The following ANO6 variants were observed in gnomAD, a reference collection of about 807,000 sequenced individuals.
ANO6 encodes the protein anoctamin 6.
A neutral mutation model predicts 117.5 loss-of-function variants in ANO6; 106 were observed. The ratio of observed to expected loss-of-function variants is 0.90; its 90% CI spans 0.77 to 1.06. ANO6 has a LOEUF of 1.06. ANO6 is among the 50% of genes least tolerant of loss of function. The pLI is 0.00. For missense variants in ANO6, 955 were observed against 1,121.1 expected (o/e 0.85, Z 2.12); for synonymous variants, 367 against 385.1 (o/e 0.95, Z 0.55).
At chr12:45,280,287 G>C (rs1938682667) in intron 1 of ANO6, among the ~76,000 whole-genome samples, 1 of 152,132 alleles carries the variant, frequency 6.6e-6, no homozygotes, top group Non-Finnish European at 1.5e-5. Context: ...GCATGTCACC[G>C]TGACTTTGAG....
At chr12:45,278,123 T>A (rs1592908575) in intron 1 of ANO6, among the ~76,000 whole-genome samples, 1 of 151,994 alleles carries the variant, frequency 6.6e-6, no homozygotes, top group African/African-American at 2.4e-5. Context: ...ACCTGGCTAA[T>A]TTTTAAATTT....
intron 2 of ANO6, among the ~76,000 whole-genome samples, chr12:45,317,136 T>TATATATATA (rs1940070455): frequency 7.3e-5 from 8 of 108,944 alleles, no homozygotes; most frequent in East Asian, 4.8e-4. Context: ...TATATATTTA[T>TATATATATA]TATACTTTAA....
At chr12:45,227,406 C>T (rs1947501337) in intron 1 of ANO6, among the ~76,000 whole-genome samples, 1 of 152,128 alleles carries the variant, frequency 6.6e-6, no homozygotes, top group African/African-American at 2.4e-5. Flanking sequence ...GGTCAGATGA[C>T]CTCAGTTTAT....
At chr12:45,216,481 CG>C (rs1565625316) in intron 1 of ANO6, 90 bp downstream of exon 1, 2 of 1,455,844 alleles carry the variant, frequency 1.4e-6, no homozygotes, top group East Asian at 4.9e-5. Flanking sequence ...GTGCTCTCCG[CG>C]GGGGAGGTTG....
At chr12:45,292,159 T>G (rs895946468) in intron 1 of ANO6, among the ~76,000 whole-genome samples, 1 of 152,226 alleles carries the variant, frequency 6.6e-6, no homozygotes, top group African/African-American at 2.4e-5. Context: ...TGATATATGC[T>G]ACAACTTGGA....
chr12:45,332,969 T>C (rs79664317), intron 3 of ANO6, among the ~76,000 whole-genome samples: 1 of 152,012 alleles, frequency 6.6e-6, no homozygotes, highest in Non-Finnish European at 1.5e-5. Flanking sequence ...ATTTTTTTTT[T>C]CTTTTTTATG....
chr12:45,333,369 C>G (rs1248300877), intron 3 of ANO6, among the ~76,000 whole-genome samples: 1 of 151,982 alleles, frequency 6.6e-6, no homozygotes, highest in Non-Finnish European at 1.5e-5. Context: ...TAGTCACCAT[C>G]ATCAAATATT....
rs534798704 is a variant in ANO6 at position 45,221,142 on chromosome 12, A to G, written c.70+4751A>G. ...GGTGGATAGTATCCGAATTGAGTTG[A>G]TTTAGAGGACGCCCAGCTGGCGTTC... On this transcript the variant is annotated intron_variant, in intron 1 of 19. Coordinates refer to ENST00000320560, the MANE Select transcript of ANO6 (RefSeq NM_001025356.3). 2.0e-5 allele frequency among the ~76,000 whole-genome samples: 3 copies of G among 152,138 alleles called. No homozygotes were observed. The South Asian group carries it at 6.2e-4, about 32-fold the overall frequency.
At chr12:45,327,179 G>A (rs1940497302) in intron 2 of ANO6, among the ~76,000 whole-genome samples, 3 of 151,794 alleles carry the variant, frequency 2.0e-5, no homozygotes, top group Admixed American at 1.3e-4. Context: ...CAAAAAAAAA[G>A]AGTATTTCAT....
Position 45,366,304 on chromosome 12 carries a change from G to C in ANO6, c.999-1384G>C, listed in dbSNP as rs74080841. Among the ~76,000 whole-genome samples the C allele has an allele frequency of 6.6e-3, 998 of 151,698 alleles. 14 individuals are homozygous for C. The highest frequency in any genetic ancestry group is 0.023 in the African/African-American group (962 of 41,360). On this transcript the variant is annotated intron_variant, in intron 8 of 19. Coordinates refer to ENST00000320560, the MANE Select transcript of ANO6 (RefSeq NM_001025356.3). ...ATCAATATTTTTCTTTGTGGTTTAT[G>C]CTGTTTCGTTTCTTGTTTATGCAAT...
chr12:45,431,133 T>C lies in ANO6; in HGVS notation c.*1822T>C, dbSNP rs1943622460. The C allele has an allele frequency of 4.8e-5, 47 of 985,186 alleles. No homozygotes were observed. The highest frequency in any genetic ancestry group is 5.5e-5 in the Non-Finnish European group (46 of 829,842). The allele number at this position is 985,186 out of a possible 1,614,324, so 61.0% of individuals were successfully genotyped here. On this transcript the variant is annotated 3_prime_UTR_variant, in exon 20 of 20. Coordinates refer to ENST00000320560, the MANE Select transcript of ANO6 (RefSeq NM_001025356.3). ...GGATCCGGGACCCCATTTCACTGTC[T>C]CTCTTGATCGTGTTAATGATGCAAT...
chr12:45,295,924 C>T (rs1251159796), intron 1 of ANO6, among the ~76,000 whole-genome samples: 1 of 151,986 alleles, frequency 6.6e-6, no homozygotes, highest in Admixed American at 6.6e-5. Flanking sequence ...TGCAGTGGTG[C>T]GGTCTCAGCT....
Position 45,247,439 on chromosome 12 carries a change from A to G in ANO6, c.70+31048A>G, listed in dbSNP as rs186698544. 8.0e-4 allele frequency among the ~76,000 whole-genome samples: 122 copies of G among 152,354 alleles called. 1 individual carries two copies. The highest frequency in any genetic ancestry group is 2.9e-3 in the African/African-American group (119 of 41,594). ...TTTTTGGTTGCTAAGATTAAGGATC[A>G]GAAAAGTAATTTGCCTAATGTTATG... is the stretch of plus-strand genomic sequence containing the variant. On this transcript the variant is annotated intron_variant, in intron 1 of 19. Transcript: ENST00000320560.
chr12:45,339,938 T>C (rs1940933446), intron 3 of ANO6, among the ~76,000 whole-genome samples: 1 of 152,166 alleles, frequency 6.6e-6, no homozygotes, highest in African/African-American at 2.4e-5. Context: ...GTTTCTACTT[T>C]ATCATCATAG....
intron 2 of ANO6, among the ~76,000 whole-genome samples, chr12:45,324,060 CCCGAG>C (rs888931844): frequency 1.3e-5 from 2 of 151,510 alleles, no homozygotes; most frequent in Non-Finnish European, 2.9e-5. Context: ...GCCTCAGCCT[CCCGAG>C]TAGCTGGGAT....
intron 10 of ANO6, among the ~76,000 whole-genome samples, chr12:45,380,652 A>G (rs1942145681): frequency 1.3e-5 from 2 of 152,222 alleles, no homozygotes; most frequent in Non-Finnish European, 2.9e-5. Flanking sequence ...CCTAGCTGCA[A>G]GAGAGTTTCT....
At chr12:45,220,431 C>G (rs1359770163) in intron 1 of ANO6, among the ~76,000 whole-genome samples, 2 of 149,094 alleles carry the variant, frequency 1.3e-5, no homozygotes, top group African/African-American at 5.2e-5. Context: ...ACACCCACCT[C>G]TCTTTCCTTA....
rs556990930 is a variant in ANO6, at chr12:45,320,207, T to C, written c.151-11088T>C. On this transcript the variant is annotated intron_variant, in intron 2 of 19. Transcript: ENST00000320560. ...GCTTCTCTAGTTCTTTTAATTGTGA[T>C]GTTAGGGTATCAATTTTAGATCTTT... Among the ~76,000 whole-genome samples the C allele has an allele frequency of 2.0e-5, 3 of 152,318 alleles. No homozygotes were observed. In the East Asian group the frequency reaches 5.8e-4, roughly 29 times the overall value.
intron 1 of ANO6, among the ~76,000 whole-genome samples, chr12:45,290,333 C>G (rs1939054307): frequency 6.6e-6 from 1 of 151,906 alleles, no homozygotes; most frequent in Non-Finnish European, 1.5e-5. Flanking sequence ...TGAAATCAGG[C>G]CTACTCTGAT....
Sources: gnomAD v4.1 joint callset for allele counts (sites outside exome capture counted in the v4.1 genomes callset) on GRCh38, gnomAD v4.1.1 for gene constraint, MANE v1.5 for transcripts, NCBI Gene and HGNC (gene_info 2026-07-23, HGNC 2026-07-21) for gene names.